Variants in TMEM230 observed in about 807,000 individuals in gnomAD.
The protein encoded by TMEM230 is UPF0414 transmembrane protein C20orf30.
A neutral mutation model predicts 15.8 loss-of-function variants in TMEM230; 10 were observed. The observed-to-expected ratio is 0.63, with a 90% CI of 0.39 to 1.07. TMEM230 has a LOEUF of 1.07. Among genes scored for constraint, TMEM230 ranks in the 50% least tolerant of loss-of-function variants. The pLI is 0.01. For missense variants in TMEM230, 165 were observed against 193.3 expected, an observed-to-expected ratio of 0.85 and a Z score of 0.87; for synonymous variants, 67 against 76.9, an observed-to-expected ratio of 0.87 and a Z score of 0.68.
In TMEM230 at chr20:5,077,429, G is replaced by A. The variant is rs558097977; in HGVS notation, c.223-8080C>T. ...AGACAAAAATCTGGTCCTTGGCCTG[G>A]TGTGGTGGCTGACGCCTGTAATCCC... On this transcript the variant is annotated intron_variant, in intron 3 of 3. Transcript: ENST00000612323. Among the ~76,000 whole-genome samples the A allele has an allele frequency of 8.2e-4, 125 of 152,308 alleles. 1 individual carries two copies. Among genetic ancestry groups the A allele is most frequent in the Admixed American group, 1.6e-3 (25 of 15,274 alleles).
intron 3 of TMEM230, among the ~76,000 whole-genome samples, chr20:5,082,147 A>G (rs1391078521): frequency 6.6e-6 from 1 of 151,678 alleles, no homozygotes; most frequent in Admixed American, 6.6e-5. Flanking sequence ...TCGGCCTCCC[A>G]AAGTGCTGGG....
chr20:5,111,660 A>T lies in TMEM230; in HGVS notation c.69-55T>A, dbSNP rs79316804. The T allele has an allele frequency of 2.8e-5, 6 of 212,904 alleles. 1 individual carries two copies. In the South Asian group the frequency reaches 5.9e-4, roughly 21 times the overall value. The allele number at this position is 212,904 out of a possible 1,614,324, so 13.2% of individuals were successfully genotyped here. A position where few individuals can be genotyped will look rare whatever the true frequency, so the allele number is the denominator to read the frequency against. On this transcript the variant is annotated intron_variant, in intron 1 of 4. Transcript: ENST00000342308. ...AAAAAAAAAAAAATTCAGTATTTCA[A>T]TAAGGGCATAAGGGCAACATAAAAA...
At chr20:5,106,697 G>A (rs1321714214) in intron 3 of TMEM230, among the ~76,000 whole-genome samples, 1 of 151,654 alleles carries the variant, frequency 6.6e-6, no homozygotes, top group African/African-American at 2.4e-5. Flanking sequence ...GTGAGCCACC[G>A]CGCCCGGCCT....
At chr20:5,109,758 TTCCCTGAC>T (rs1418052024) in intron 2 of TMEM230, among the ~76,000 whole-genome samples, 1 of 152,198 alleles carries the variant, frequency 6.6e-6, no homozygotes, top group African/African-American at 2.4e-5. Context: ...GCCACCAAGA[TTCCCTGAC>T]TTTTAATTTT....
intron 3 of TMEM230, among the ~76,000 whole-genome samples, chr20:5,091,505 C>G (rs1212890855): frequency 3.9e-5 from 6 of 152,124 alleles, no homozygotes; most frequent in Non-Finnish European, 8.8e-5. Context: ...GCCACCGCAC[C>G]CAGCTGGTAT....
At position 5,106,362 on chromosome 20, in the gene TMEM230, C is replaced by A. The variant is rs77129042; in HGVS notation, c.289-52G>T. 64 of 1,543,862 alleles carry A rather than the reference C, an allele frequency of 4.1e-5. No individual in the cohort carries two copies. The African/African-American group carries it at 7.3e-4, about 18-fold the overall frequency. ...ACAACGAAGAACATTAATGCAAATA[C>A]CTGGGTTCAAACATTTAATTAATTA... On this transcript the variant is annotated intron_variant, in intron 3 of 4. Transcript: ENST00000342308.
chr20:5,089,289 C>G (rs180672946), intron 3 of TMEM230, among the ~76,000 whole-genome samples: 290 of 152,032 alleles, frequency 1.9e-3, no homozygotes, highest in Non-Finnish European at 3.1e-3. Flanking sequence ...GCAGGAGAAT[C>G]GCTTGAACCT....
intron 3 of TMEM230, among the ~76,000 whole-genome samples, chr20:5,106,716 T>C (rs920154694): frequency 6.6e-6 from 1 of 152,112 alleles, no homozygotes; most frequent in Admixed American, 6.6e-5. Flanking sequence ...CTAATTTTTA[T>C]GATTTTAGAG....
intron 2 of TMEM230, among the ~76,000 whole-genome samples, chr20:5,110,830 C>T (rs1568510891): frequency 2.0e-5 from 3 of 152,186 alleles, no homozygotes; most frequent in Non-Finnish European, 4.4e-5. Context: ...GCTATTATGT[C>T]ACTAGTTTAA....
rs945480443 is a variant in TMEM230 at position 5,075,147 on chromosome 20, C to T, written c.223-5798G>A. On this transcript the variant is annotated intron_variant, in intron 3 of 3. Transcript: ENST00000612323. Reference sequence around the variant, plus strand: ...ATGGCACGATCTCGGCTCACTGCAACCTCTACCTCCCGGGTTCAAGTGATT... The same window carrying T: ...ATGGCACGATCTCGGCTCACTGCAATCTCTACCTCCCGGGTTCAAGTGATT... Among the ~76,000 whole-genome samples, 53 of 151,422 alleles carry T rather than the reference C, an allele frequency of 3.5e-4. 1 individual carries two copies. The highest frequency in any genetic ancestry group is 1.2e-3 in the African/African-American group (51 of 41,260).
chr20:5,098,184 T>G (rs1411963889), downstream of TMEM230, among the ~76,000 whole-genome samples: 1 of 151,290 alleles, frequency 6.6e-6, no homozygotes. Context: ...TCCATGTTGG[T>G]CAGGACGGTC....
At chr20:5,071,004 G>C (rs1244080517) in intron 3 of TMEM230, among the ~76,000 whole-genome samples, 3 of 152,028 alleles carry the variant, frequency 2.0e-5, no homozygotes, top group African/African-American at 7.2e-5. Flanking sequence ...CTGTTTACTT[G>C]TTCATTTTTC....
At chr20:5,070,829 C>T (rs983381290) in intron 3 of TMEM230, among the ~76,000 whole-genome samples, 3 of 152,134 alleles carry the variant, frequency 2.0e-5, no homozygotes, top group African/African-American at 4.8e-5. Context: ...TACAGCGGTG[C>T]GATTAAGGCT....
chr20:5,090,046 G>A (rs1220774623), intron 3 of TMEM230, among the ~76,000 whole-genome samples: 4 of 151,508 alleles, frequency 2.6e-5, no homozygotes, highest in Non-Finnish European at 5.9e-5. Context: ...TGACAGAGGA[G>A]TTGAAAGAAA....
chr20:5,069,172 A>G (rs1195180949), exon 4 of TMEM230: 8 of 1,515,820 alleles, frequency 5.3e-6, no homozygotes, highest in African/African-American at 1.4e-5. Flanking sequence ...CTTATCTCAA[A>G]TTAGAGGCAC....
At chr20:5,096,611 T>C (rs944663584), downstream of TMEM230, among the ~76,000 whole-genome samples, 5 of 152,112 alleles carry the variant, frequency 3.3e-5, no homozygotes, top group Admixed American at 2.6e-4. Context: ...CTGGTACAGG[T>C]AGGTCATGAA....
intron 4 of TMEM230, among the ~76,000 whole-genome samples, chr20:5,105,407 A>G (rs927315467): frequency 1.3e-5 from 2 of 152,142 alleles, no homozygotes; most frequent in Non-Finnish European, 2.9e-5. Context: ...CCTGGGCAAC[A>G]TGGCGAAACC....
At chr20:5,103,156 T>A (rs1052560456) in intron 4 of TMEM230, among the ~76,000 whole-genome samples, 1 of 152,198 alleles carries the variant, frequency 6.6e-6, no homozygotes, top group East Asian at 1.9e-4. Context: ...TGACCATAAT[T>A]AACACACAAC....
At chr20:5,111,794 G>A (rs1274595124) in intron 1 of TMEM230, 5 of 981,290 alleles carry the variant, frequency 5.1e-6, no homozygotes, top group Non-Finnish European at 6.1e-6. Flanking sequence ...GCTGTTCTAA[G>A]TACTTTGTAC....
Sources: allele counts gnomAD v4.1 joint callset (sites outside exome capture counted in the v4.1 genomes callset), GRCh38; gene constraint gnomAD v4.1.1; transcripts MANE v1.5; gene names NCBI Gene and HGNC (gene_info 2026-07-23, HGNC 2026-07-21).